Variants in CNTN4 observed in about 807,000 individuals in gnomAD.
CNTN4 encodes the protein contactin 4.
In CNTN4, 77 loss-of-function variants were observed where a neutral mutation model predicts 122.5. The ratio of observed to expected loss-of-function variants is 0.63; its 90% CI spans 0.52 to 0.76. CNTN4 has a LOEUF of 0.76. Among genes scored for constraint, CNTN4 ranks in the 30% least tolerant of loss-of-function variants. The pLI, the probability that CNTN4 is intolerant of heterozygous loss-of-function variation, is 0.00. For missense variants in CNTN4, 1,256 were observed against 1,259.1 expected, an observed-to-expected ratio of 1.00 and a Z score of 0.04; for synonymous variants, 512 against 447.0, an observed-to-expected ratio of 1.15 and a Z score of -1.83.
At chr3:2,170,189 C>CG (rs111362762) in intron 2 of CNTN4, among the ~76,000 whole-genome samples, 16,386 of 148,010 alleles carry the variant, frequency 0.11, 951 homozygotes, top group African/African-American at 0.15. Context: ...GGCGTGGTGG[C>CG]GGCGCCTGTA....
intron 12 of CNTN4, among the ~76,000 whole-genome samples, chr3:2,921,567 C>G (rs143481677): frequency 2.0e-5 from 3 of 152,282 alleles, no homozygotes; most frequent in East Asian, 1.9e-4. Context: ...AGAAAGTAGA[C>G]AACGGTTAAA....
At chr3:2,821,056 G>C (rs560996318) in intron 7 of CNTN4, among the ~76,000 whole-genome samples, 1 of 143,874 alleles carries the variant, frequency 7.0e-6, no homozygotes, top group Non-Finnish European at 1.5e-5. Context: ...CTGCCTCCCA[G>C]GTTCAATCGA....
intron 2 of CNTN4, among the ~76,000 whole-genome samples, chr3:2,197,144 C>T (rs1034538968): frequency 2.0e-5 from 3 of 151,730 alleles, no homozygotes; most frequent in African/African-American, 7.3e-5. Flanking sequence ...GAAGTTATAG[C>T]GACTATTAAG....
intron 3 of CNTN4, among the ~76,000 whole-genome samples, chr3:2,467,603 T>C (rs990187395): frequency 6.6e-6 from 1 of 152,216 alleles, no homozygotes; most frequent in African/African-American, 2.4e-5. Context: ...TGCCTTGTGA[T>C]GATTACATAA....
intron 3 of CNTN4, among the ~76,000 whole-genome samples, chr3:2,457,076 T>G (rs12715056): frequency 2.6e-5 from 4 of 151,848 alleles, no homozygotes; most frequent in Non-Finnish European, 5.9e-5. Context: ...GCCAGGTTCC[T>G]GAGTCTGTAC....
intron 3 of CNTN4, among the ~76,000 whole-genome samples, chr3:2,487,612 G>A (rs1169792050): frequency 6.6e-6 from 1 of 152,136 alleles, no homozygotes; most frequent in Non-Finnish European, 1.5e-5. Flanking sequence ...AATAAAATGT[G>A]TGCATGACTC....
At chr3:2,133,979 T>C (rs1280855211) in intron 2 of CNTN4, among the ~76,000 whole-genome samples, 1 of 152,174 alleles carries the variant, frequency 6.6e-6, no homozygotes. Flanking sequence ...TTCATTTCTC[T>C]ATTATGAAAG....
intron 6 of CNTN4, among the ~76,000 whole-genome samples, chr3:2,778,300 A>G (rs201433178): frequency 6.9e-5 from 2 of 28,884 alleles, no homozygotes; most frequent in Admixed American, 1.4e-3. Flanking sequence ...TTATCCATGT[A>G]TGTATAAGAG....
chr3:2,534,433 C>A (rs970233196), intron 3 of CNTN4, among the ~76,000 whole-genome samples: 2 of 152,126 alleles, frequency 1.3e-5, no homozygotes, highest in South Asian at 2.1e-4. Flanking sequence ...GGGCTCTGTT[C>A]TATTCCATTA....
chr3:3,047,589 G>C (rs1700796283), intron 23 of CNTN4, among the ~76,000 whole-genome samples: 1 of 145,860 alleles, frequency 6.9e-6, no homozygotes, highest in East Asian at 1.9e-4. Context: ...CGAGAACAAA[G>C]ACACAACATA....
At chr3:2,275,074 T>G (rs1055829890) in intron 2 of CNTN4, among the ~76,000 whole-genome samples, 2 of 152,196 alleles carry the variant, frequency 1.3e-5, no homozygotes, top group African/African-American at 2.4e-5. Context: ...CTAGGGAGAT[T>G]AAGGTAAGAG....
chr3:2,597,787 C>T (rs1352988569), intron 4 of CNTN4, among the ~76,000 whole-genome samples: 4 of 152,136 alleles, frequency 2.6e-5, no homozygotes, highest in Admixed American at 6.5e-5. Flanking sequence ...GACCTGACAG[C>T]GTTCTCACTA....
chr3:2,696,931 G>A (rs1346548833), intron 4 of CNTN4, among the ~76,000 whole-genome samples: 1 of 152,146 alleles, frequency 6.6e-6, no homozygotes, highest in African/African-American at 2.4e-5. Flanking sequence ...TGCCATGAAT[G>A]GGTGACATTT....
chr3:2,436,304 G>T (rs1475685444), intron 3 of CNTN4, among the ~76,000 whole-genome samples: 1 of 152,066 alleles, frequency 6.6e-6, no homozygotes, highest in Non-Finnish European at 1.5e-5. Flanking sequence ...TGCCATCCAT[G>T]TGTAAAAGTA....
chr3:2,931,456 G>A (rs2094519604), intron 13 of CNTN4, among the ~76,000 whole-genome samples: 1 of 152,156 alleles, frequency 6.6e-6, no homozygotes, highest in Non-Finnish European at 1.5e-5. Context: ...TGAGGTGCCT[G>A]CAAGTGGTGA....
At chr3:3,045,172 G>A (rs1041056854) in intron 23 of CNTN4, among the ~76,000 whole-genome samples, 1 of 152,342 alleles carries the variant, frequency 6.6e-6, no homozygotes, top group Admixed American at 6.5e-5. Flanking sequence ...TGCAGCTCAA[G>A]GAGGCCTGCC....
At chr3:2,939,275 A>C (rs1025319444) in intron 13 of CNTN4, among the ~76,000 whole-genome samples, 2 of 152,158 alleles carry the variant, frequency 1.3e-5, no homozygotes, top group African/African-American at 4.8e-5. Context: ...AACATATGGC[A>C]CCTAGAGGGT....
chr3:2,593,140 G>C (rs1399227835), intron 4 of CNTN4, among the ~76,000 whole-genome samples: 1 of 151,974 alleles, frequency 6.6e-6, no homozygotes, highest in Non-Finnish European at 1.5e-5. Context: ...CCAGATATTT[G>C]GTCTATACAT....
chr3:2,716,597 T>C (rs1263817292), intron 4 of CNTN4, among the ~76,000 whole-genome samples: 1 of 152,218 alleles, frequency 6.6e-6, no homozygotes, highest in East Asian at 1.9e-4. Flanking sequence ...ATTATTTTTA[T>C]TGGAGAAGAG....
Sources: gnomAD v4.1 joint callset for allele counts (sites outside exome capture counted in the v4.1 genomes callset) on GRCh38, gnomAD v4.1.1 for gene constraint, MANE v1.5 for transcripts, NCBI Gene and HGNC (gene_info 2026-07-23, HGNC 2026-07-21) for gene names.